The following MAFK variants were observed in gnomAD, a reference collection of about 807,000 sequenced individuals.
The protein encoded by MAFK is transcription factor MafK.
Under a neutral mutation model 9.2 loss-of-function variants are expected in MAFK, and 1 was observed. The ratio of observed to expected loss-of-function variants is 0.11; its 90% confidence interval spans 0.04 to 0.52. The LOEUF (loss-of-function observed/expected upper bound fraction) is 0.52. Among genes scored for constraint, MAFK ranks in the 20% least tolerant of loss-of-function variants. The probability of loss-of-function intolerance (pLI) is 0.94; values close to 1 mark genes in which losing one functional copy is unlikely to be tolerated. For synonymous variants in MAFK, 110 were observed against 107.4 expected, an observed-to-expected ratio of 1.02 and a Z score of -0.15; for missense variants, 207 against 236.0, an observed-to-expected ratio of 0.88 and a Z score of 0.81.
Position 1,534,103 on chromosome 7 carries a change from G to A in MAFK, c.-45+3205G>A. The A allele has an allele frequency of 2.6e-6, 1 of 391,084 alleles. No individual in the cohort carries two copies. The highest frequency in any genetic ancestry group is 1.7e-5 in the South Asian group (1 of 57,238). The allele number at this position is 391,084 out of a possible 1,614,324, so 24.2% of individuals were successfully genotyped here. A position where few individuals can be genotyped will look rare whatever the true frequency, so the allele number is the denominator to read the frequency against. On this transcript the variant is annotated intron_variant, in intron 1 of 2. Transcript: ENST00000343242. The surrounding 1 kb of genome is among the most constrained non-coding windows in gnomAD (Gnocchi z 4.3). ...GGCCGACAGTCATGGCTTGCTGGAGGGCAGCCAGCCAGGGCCAGGCTGCTG... is the reference window on the plus strand; with the variant it reads ...GGCCGACAGTCATGGCTTGCTGGAGAGCAGCCAGCCAGGGCCAGGCTGCTG...
Position 1,539,098 on chromosome 7 carries a change from C to T in MAFK, c.-44-51C>T, listed in dbSNP as rs868610378. 2.6e-5 allele frequency: 38 copies of T among 1,460,876 alleles called. No homozygotes were observed. In the African/African-American group the frequency reaches 3.4e-4, roughly 13 times the overall value. 90.5% of individuals were successfully genotyped at this position (1,460,876 alleles called of 1,614,324 possible). A position where few individuals can be genotyped will look rare whatever the true frequency, so the allele number is the denominator to read the frequency against. On this transcript the variant is annotated intron_variant, in intron 1 of 2. Coordinates refer to ENST00000343242, the MANE Select transcript of MAFK (RefSeq NM_002360.4). ...CATGGGAGGTGGGCACCCTGTCCGG[C>T]GCTGCCGGCCCTGACCTGTGCTGGC... is the stretch of plus-strand genomic sequence containing the variant.
intron 1 of MAFK, chr7:1,537,328 T>A (rs77608365): frequency 3.1e-6 from 3 of 961,260 alleles, no homozygotes; most frequent in Non-Finnish European, 3.7e-6. Context: ...CCCGGGTGTG[T>A]GGGAATGCGC....
intron 1 of MAFK, among the ~76,000 whole-genome samples, chr7:1,531,728 G>A (rs1224800605): frequency 8.4e-6 from 1 of 119,546 alleles, no homozygotes; most frequent in African/African-American, 3.2e-5. Flanking sequence ...TGGGGGGTGG[G>A]ACCAGGCGCC....
intron 1 of MAFK, chr7:1,538,251 G>A: frequency 1.0e-6 from 1 of 985,332 alleles, no homozygotes; most frequent in South Asian, 4.7e-5. Flanking sequence ...CAGACGTGAG[G>A]ACGGCGGGGG....
rs1208475556 is a variant in MAFK, at chr7:1,541,235, A to T, written c.*860A>T. ...ACACCGACCCCACAGGCCGTCCCGG[A>T]TCTCAGCGGACACAGGCAGGAGCGC... On this transcript the variant is annotated 3_prime_UTR_variant, in exon 3 of 3. Transcript: ENST00000343242. 1 of 152,876 alleles carries T rather than the reference A, an allele frequency of 6.5e-6. No individual in the cohort carries two copies. 9.5% of individuals were successfully genotyped at this position (152,876 alleles called of 1,614,324 possible). A position where few individuals can be genotyped will look rare whatever the true frequency, so the allele number is the denominator to read the frequency against.
chr7:1,541,452 A>T lies in MAFK; in HGVS notation c.*1077A>T, dbSNP rs1047887077. 1.3e-5 allele frequency: 2 copies of T among 153,192 alleles called. No individual in the cohort carries two copies. The highest frequency in any genetic ancestry group is 4.8e-5 in the African/African-American group (2 of 41,316). 9.5% of individuals were successfully genotyped at this position (153,192 alleles called of 1,614,324 possible). ...TGGATGTGGAGGTGGAAGGAGGAGG[A>T]CGTTGCGTGGAGTGGTGGGAGGAGG... is the stretch of plus-strand genomic sequence containing the variant. On this transcript the variant is annotated 3_prime_UTR_variant, in exon 3 of 3. Transcript: ENST00000343242.
In MAFK at chr7:1,540,251, CCTT is replaced by C. The variant is rs772070348; in HGVS notation, c.349_351del (p.Phe117del). 1.2e-6 allele frequency: 2 copies of C among 1,609,288 alleles called. No homozygotes were observed. Among genetic ancestry groups the C allele is most frequent in the South Asian group, 2.2e-5 (2 of 90,304 alleles). ...CGCTCCAAGTACGAGGCGCTGCAGACCTTCGCGCGCACCGTGGCCCGGGGACCT... is the reference window on the plus strand; with the variant it reads ...CGCTCCAAGTACGAGGCGCTGCAGACCGCGCGCACCGTGGCCCGGGGACCT... On this transcript the variant is annotated inframe_deletion, in exon 3 of 3. Coordinates refer to ENST00000343242, the MANE Select transcript of MAFK (RefSeq NM_002360.4).
intron 1 of MAFK, 181 bp from the exon 2 acceptor site, chr7:1,538,968 G>A: frequency 1.7e-6 from 1 of 583,468 alleles, no homozygotes; most frequent in South Asian, 2.1e-5. Flanking sequence ...GGGCCAGGAT[G>A]CCTCACCCCC....
At chr7:1,539,058 T>C in intron 1 of MAFK, 91 bp from the exon 2 acceptor site, 1 of 972,748 alleles carries the variant, frequency 1.0e-6, no homozygotes, top group Non-Finnish European at 1.6e-6. Flanking sequence ...CACCCCGGGC[T>C]GAGAAGCATC....
At chr7:1,533,255 G>T (rs1027251559) in intron 1 of MAFK, among the ~76,000 whole-genome samples, 5 of 152,184 alleles carry the variant, frequency 3.3e-5, no homozygotes, top group African/African-American at 1.2e-4. Flanking sequence ...GAAGGTATTG[G>T]GGTGGAGACT....
In MAFK at chr7:1,540,252, C is replaced by G; in HGVS notation, c.348C>G (p.Thr116=). Residue 116 remains threonine (T), a synonymous_variant, in exon 3 of 3, where the codon ACC becomes ACG. Coordinates refer to ENST00000343242, the MANE Select transcript of MAFK (RefSeq NM_002360.4). ...ALRSKYEALQ[T]FARTVARGPV... The stretch of plus-strand genomic sequence containing the variant: ...GCTCCAAGTACGAGGCGCTGCAGAC[C>G]TTCGCGCGCACCGTGGCCCGGGGAC... 1.2e-6 allele frequency: 2 copies of G among 1,609,512 alleles called. No homozygotes were observed. The highest frequency in any genetic ancestry group is 2.2e-5 in the East Asian group (1 of 44,614).
In MAFK at chr7:1,540,310, G is replaced by A; in HGVS notation, c.406G>A (p.Val136Ile). ...VAPSKVATTS[V>I]ITIVKSTELS... is the part of the protein sequence containing the mutation. Reference sequence around the variant, plus strand: ...GCCCTCCAAGGTGGCCACCACCAGCGTCATCACCATCGTCAAGTCCACCGA... The same window carrying A: ...GCCCTCCAAGGTGGCCACCACCAGCATCATCACCATCGTCAAGTCCACCGA... The change falls in exon 3 of 3, where the codon GTC becomes ATC. Residue 136 changes from valine to isoleucine, a missense_variant. Physicochemically the swap from Val to Ile is conservative, Grantham distance 29 (BLOSUM62 3). Transcript: ENST00000343242. 3 of 1,611,094 alleles carry A rather than the reference G, an allele frequency of 1.9e-6. No individual in the cohort carries two copies. Among genetic ancestry groups the A allele is most frequent in the Non-Finnish European group, 1.7e-6 (2 of 1,178,920 alleles).
At chr7:1,539,668 T>C (rs1481040943) in intron 2 of MAFK, among the ~76,000 whole-genome samples, 2 of 152,202 alleles carry the variant, frequency 1.3e-5, no homozygotes, top group Non-Finnish European at 2.9e-5. Flanking sequence ...ACCCATGCAC[T>C]CTGGGTCCTC....
Position 1,534,946 on chromosome 7 carries a change from C to G in MAFK, c.-45+4048C>G, listed in dbSNP as rs1196201614. Among the ~76,000 whole-genome samples, 1 of 152,018 alleles carries G rather than the reference C, an allele frequency of 6.6e-6. No homozygotes were observed. Among genetic ancestry groups the G allele is most frequent in the Non-Finnish European group, 1.5e-5 (1 of 68,010 alleles). On this transcript the variant is annotated intron_variant, in intron 1 of 2. Coordinates refer to ENST00000343242, the MANE Select transcript of MAFK (RefSeq NM_002360.4). The surrounding 1 kb of genome is among the most constrained non-coding windows in gnomAD (Gnocchi z 4.3). ...AAAGATAAGGTCTTGCCCTGTCACT[C>G]AGGCTGCTGGAGTGCAGTGGTGTGA... is the stretch of plus-strand genomic sequence containing the variant.
rs574234247 is a variant in MAFK, at chr7:1,540,396, TGGCGGGC to T, written c.*36_*42del. The T allele has an allele frequency of 0.017, 4,209 of 252,364 alleles. 115 individuals are homozygous for T. The highest frequency in any genetic ancestry group is 0.14 in the African/African-American group (3,354 of 24,730). 15.6% of individuals were successfully genotyped at this position (252,364 alleles called of 1,614,324 possible). On this transcript the variant is annotated 3_prime_UTR_variant, in exon 3 of 3. Coordinates refer to ENST00000343242, the MANE Select transcript of MAFK (RefSeq NM_002360.4). Reference sequence around the variant, plus strand: ...CCTAGTGCCGGCCGGGGGCGGGGGGTGGCGGGCGGCGGGCGGCGGGCAGGCGGGTGGG... The same window carrying T: ...CCTAGTGCCGGCCGGGGGCGGGGGGTGGCGGGCGGCGGGCAGGCGGGTGGG...
chr7:1,537,787 C>T lies in MAFK; in HGVS notation c.-44-1362C>T, dbSNP rs10259107. 7.6e-3 allele frequency: 5,929 copies of T among 779,574 alleles called. 269 individuals carry two copies. The African/African-American group carries it at 0.096, about 13-fold the overall frequency. The allele number at this position is 779,574 out of a possible 1,614,324, so 48.3% of individuals were successfully genotyped here. On this transcript the variant is annotated intron_variant, in intron 1 of 2. Coordinates refer to ENST00000343242, the MANE Select transcript of MAFK (RefSeq NM_002360.4). ...GGCTGGAGGGTGGAGGGATTTGGGCCCGAGGGCTCCCTGGCCCAGGGTGTG... is the reference window on the plus strand; with the variant it reads ...GGCTGGAGGGTGGAGGGATTTGGGCTCGAGGGCTCCCTGGCCCAGGGTGTG...
intron 1 of MAFK, among the ~76,000 whole-genome samples, chr7:1,536,909 G>C (rs1784044070): frequency 6.6e-6 from 1 of 152,222 alleles, no homozygotes; most frequent in Admixed American, 6.5e-5. Context: ...TGGGGGGCAG[G>C]CTTGCGAGCA....
chr7:1,534,194 C>A lies in MAFK; in HGVS notation c.-45+3296C>A, dbSNP rs1308654508. On this transcript the variant is annotated intron_variant, in intron 1 of 2. Transcript: ENST00000343242. This position sits in a 1 kb window ranked among gnomAD's most constrained non-coding sequence, Gnocchi z 4.3. ...TCCCGCATGCTTAGTGGGGCTGTGT[C>A]CGGGACAGCCGGACAGTGGGGGCCC... is the stretch of plus-strand genomic sequence containing the variant. 4.4e-6 allele frequency: 2 copies of A among 453,678 alleles called. No homozygotes were observed. The highest frequency in any genetic ancestry group is 8.9e-6 in the Non-Finnish European group (2 of 224,966). The allele number at this position is 453,678 out of a possible 1,614,324, so 28.1% of individuals were successfully genotyped here. A position where few individuals can be genotyped will look rare whatever the true frequency, so the allele number is the denominator to read the frequency against.
rs2128552256 is a variant in MAFK, at chr7:1,539,244, A to G, written c.36+16A>G. On this transcript the variant is annotated intron_variant, in intron 2 of 2. Coordinates refer to ENST00000343242, the MANE Select transcript of MAFK (RefSeq NM_002360.4). The stretch of plus-strand genomic sequence containing the variant: ...GGCATTAAAGGTAAGGCTGGTTCCA[A>G]GCAGGCCCCGTCTCAAGCACAGGCG... 1.2e-6 allele frequency: 2 copies of G among 1,606,470 alleles called. No homozygotes were observed. The highest frequency in any genetic ancestry group is 1.7e-6 in the Non-Finnish European group (2 of 1,175,688).
Sources: gnomAD v4.1 joint callset for allele counts (sites outside exome capture counted in the v4.1 genomes callset) on GRCh38, gnomAD v4.1.1 for gene constraint, Gnocchi (gnomAD v3.1) non-coding constraint, MANE v1.5 for transcripts, NCBI Gene and HGNC (gene_info 2026-07-23, HGNC 2026-07-21) for gene names.